The following NOCT variants were observed in gnomAD, a reference collection of about 807,000 sequenced individuals.
NOCT encodes CCR4 carbon catabolite repression 4-like.
Under a neutral mutation model 35.0 loss-of-function variants are expected in NOCT, and 18 were observed. The observed-to-expected ratio is 0.51, with a 90% CI of 0.36 to 0.76. The LOEUF (loss-of-function observed/expected upper bound fraction) is 0.76. NOCT is among the 30% of genes least tolerant of loss of function. The pLI is 0.01. For synonymous variants in NOCT, 235 were observed against 226.3 expected (o/e 1.04, Z -0.34); for missense variants, 479 against 541.0 (o/e 0.89, Z 1.14).
chr4:139,033,531 C>T (rs1395582506), intron 1 of NOCT, among the ~76,000 whole-genome samples: 1 of 151,622 alleles, frequency 6.6e-6, no homozygotes, highest in African/African-American at 2.4e-5. Flanking sequence ...TTTTAATTAG[C>T]CAGGGTGGTG....
chr4:139,031,345 T>C (rs949820429), intron 1 of NOCT, among the ~76,000 whole-genome samples: 1 of 151,966 alleles, frequency 6.6e-6, no homozygotes, highest in Non-Finnish European at 1.5e-5. Context: ...GAGACGGGGT[T>C]TCACCATGTT....
intron 1 of NOCT, among the ~76,000 whole-genome samples, chr4:139,033,971 A>G (rs1293586575): frequency 2.0e-5 from 3 of 151,912 alleles, no homozygotes; most frequent in African/African-American, 7.3e-5. Flanking sequence ...TGATCCACCC[A>G]CCTCAGCCTC....
At position 139,045,036 on chromosome 4, in the gene NOCT, T is replaced by G; in HGVS notation, c.858T>G (p.His286Gln). 1 of 1,614,160 alleles carries G rather than the reference T, an allele frequency of 6.2e-7. No individual in the cohort carries two copies. Among genetic ancestry groups the G allele is most frequent in the South Asian group, 1.1e-5 (1 of 91,084 alleles). The change falls in exon 3 of 3, where the codon CAT becomes CAG. Residue 286 changes from histidine to glutamine, a missense_variant. This residue lies in a region of NOCT where 214 missense variants were observed against 284.0 expected (regional missense o/e 0.75). Transcript: ENST00000280614. The part of the protein sequence containing the change: ...SGRQFCIAVT[H>Q]LKARTGWERF... The stretch of plus-strand genomic sequence containing the variant: ...GACAGTTCTGCATCGCTGTTACCCA[T>G]CTAAAAGCACGCACTGGCTGGGAGC...
intron 1 of NOCT, among the ~76,000 whole-genome samples, chr4:139,033,142 A>T (rs1726658938): frequency 6.6e-6 from 1 of 152,156 alleles, no homozygotes. Flanking sequence ...AGGTGGGTGG[A>T]TCACTTGAGG....
chr4:139,036,428 A>G (rs919815695), intron 1 of NOCT, among the ~76,000 whole-genome samples: 1 of 152,176 alleles, frequency 6.6e-6, no homozygotes, highest in Non-Finnish European at 1.5e-5. Context: ...ATGAATGAAC[A>G]GTCGTATGTG....
intron 1 of NOCT, among the ~76,000 whole-genome samples, chr4:139,021,285 G>A (rs1726408528): frequency 6.6e-6 from 1 of 151,962 alleles, no homozygotes; most frequent in South Asian, 2.1e-4. Flanking sequence ...TTACAGGCAT[G>A]AGCCATCACG....
intron 1 of NOCT, among the ~76,000 whole-genome samples, chr4:139,031,171 A>G (rs1428967905): frequency 3.4e-5 from 5 of 148,698 alleles, no homozygotes; most frequent in Non-Finnish European, 1.5e-5. Context: ...TTTTTTTGAG[A>G]TGGAGTCTCG....
intron 1 of NOCT, among the ~76,000 whole-genome samples, chr4:139,024,334 G>A (rs1001470086): frequency 1.3e-5 from 2 of 152,090 alleles, no homozygotes; most frequent in African/African-American, 2.4e-5. Flanking sequence ...TTACAAGCAT[G>A]AGGCACCTAG....
chr4:139,027,955 A>G (rs1350957840), intron 1 of NOCT, among the ~76,000 whole-genome samples: 5 of 152,112 alleles, frequency 3.3e-5, no homozygotes, highest in African/African-American at 1.2e-4. Flanking sequence ...GAGTTAGCTC[A>G]TGGGTCACAG....
At chr4:139,018,848 G>T (rs1726361769) in intron 1 of NOCT, among the ~76,000 whole-genome samples, 1 of 152,198 alleles carries the variant, frequency 6.6e-6, no homozygotes, top group Non-Finnish European at 1.5e-5. Flanking sequence ...CTAGAAATGG[G>T]TGGCATTTCA....
At chr4:139,028,702 G>A (rs1410378600) in intron 1 of NOCT, among the ~76,000 whole-genome samples, 1 of 152,174 alleles carries the variant, frequency 6.6e-6, no homozygotes, top group African/African-American at 2.4e-5. Context: ...TTTCTCCAGG[G>A]CCAGCCCCCT....
intron 1 of NOCT, among the ~76,000 whole-genome samples, chr4:139,027,254 A>C (rs2148643661): frequency 6.6e-6 from 1 of 151,226 alleles, no homozygotes; most frequent in South Asian, 2.1e-4. Context: ...AGCTCACTGC[A>C]GGCTCAGCCT....
chr4:139,042,946 T>C (rs1726862638), intron 1 of NOCT, 128 bp from the exon 2 acceptor site: 1 of 794,698 alleles, frequency 1.3e-6, no homozygotes, highest in Admixed American at 2.8e-5. Flanking sequence ...AGAAATGGCT[T>C]TATACACTAT....
chr4:139,043,324 A>G lies in NOCT; in HGVS notation c.441A>G (p.Gln147=), dbSNP rs201630922. ...CCCACCCACCTATCAGGGTTATGCA[A>G]TGGAACATCCTCGCCCAAGGTATGC... ...PSTHPPIRVM[Q]WNILAQALGE... Residue 147 remains glutamine (Q), a synonymous_variant, in exon 2 of 3, where the codon CAA becomes CAG. Transcript: ENST00000280614. 1.5e-4 allele frequency: 235 copies of G among 1,613,784 alleles called. No individual in the cohort carries two copies. Among genetic ancestry groups the G allele is most frequent in the Non-Finnish European group, 1.9e-4 (224 of 1,179,724 alleles).
At chr4:139,040,152 C>T (rs1293908891) in intron 1 of NOCT, among the ~76,000 whole-genome samples, 1 of 151,754 alleles carries the variant, frequency 6.6e-6, no homozygotes, top group African/African-American at 2.4e-5. Flanking sequence ...CCTGCCTCAG[C>T]CTCCGAAGCA....
intron 1 of NOCT, among the ~76,000 whole-genome samples, chr4:139,033,621 A>G (rs775398299): frequency 5.9e-5 from 9 of 151,638 alleles, no homozygotes; most frequent in Non-Finnish European, 1.0e-4. Flanking sequence ...GCAGTGAGCT[A>G]TGATGGCACC....
intron 1 of NOCT, among the ~76,000 whole-genome samples, chr4:139,026,258 C>T (rs1483683600): frequency 6.6e-6 from 1 of 152,070 alleles, no homozygotes; most frequent in Non-Finnish European, 1.5e-5. Flanking sequence ...TGCGCTACCA[C>T]GCCCAGCTAA....
At chr4:139,029,251 AAATT>A (rs1458805493) in intron 1 of NOCT, among the ~76,000 whole-genome samples, 1 of 152,236 alleles carries the variant, frequency 6.6e-6, no homozygotes, top group African/African-American at 2.4e-5. Context: ...TTGTTTAACT[AAATT>A]AATCCTCACA....
chr4:139,025,622 G>GAA (rs1726498403), intron 1 of NOCT, among the ~76,000 whole-genome samples: 1 of 152,134 alleles, frequency 6.6e-6, no homozygotes, highest in Non-Finnish European at 1.5e-5. Flanking sequence ...CCAGCATAGT[G>GAA]AAACCCTGTC....
Sources: allele counts gnomAD v4.1 joint callset (sites outside exome capture counted in the v4.1 genomes callset), GRCh38; gene constraint gnomAD v4.1.1; regional missense constraint gnomAD v4.1.1; transcripts MANE v1.5; gene names NCBI Gene and HGNC (gene_info 2026-07-23, HGNC 2026-07-21).